The following CMC1 variants were observed in gnomAD, a reference collection of about 807,000 sequenced individuals.
CMC1 encodes C-X9-C motif containing 1.
A neutral mutation model predicts 14.1 loss-of-function variants in CMC1; 14 were observed. The observed-to-expected ratio is 0.99, with a 90% CI of 0.66 to 1.55. The LOEUF is 1.55. CMC1 is among the 40% of genes most tolerant of loss of function. CMC1 has a pLI of 0.00. For synonymous variants in CMC1, 50 were observed against 38.4 expected, an observed-to-expected ratio of 1.30 and a Z score of -1.12; for missense variants, 127 against 123.8, an observed-to-expected ratio of 1.03 and a Z score of -0.12.
chr3:28,314,226 A>G (rs1442345722), intron 2 of CMC1, among the ~76,000 whole-genome samples: 1 of 152,204 alleles, frequency 6.6e-6, no homozygotes. Context: ...ATAAATAGAA[A>G]AATTAACGTA....
intron 1 of CMC1, among the ~76,000 whole-genome samples, chr3:28,245,216 G>A (rs192097226): frequency 1.3e-5 from 2 of 152,168 alleles, no homozygotes; most frequent in African/African-American, 4.8e-5. Flanking sequence ...TTTTCCTCAA[G>A]AAACTGTGAA....
At chr3:28,307,333 G>A (rs1577086997) in intron 2 of CMC1, among the ~76,000 whole-genome samples, 1 of 152,296 alleles carries the variant, frequency 6.6e-6, no homozygotes, top group East Asian at 1.9e-4. Context: ...AGACCAGCCT[G>A]TGCAATATAG....
intron 2 of CMC1, among the ~76,000 whole-genome samples, chr3:28,296,087 T>C (rs1701726349): frequency 6.6e-6 from 1 of 152,212 alleles, no homozygotes; most frequent in East Asian, 1.9e-4. Context: ...CACATACATA[T>C]GAACAGATTG....
intron 2 of CMC1, among the ~76,000 whole-genome samples, chr3:28,296,341 T>C (rs1701739765): frequency 6.6e-6 from 1 of 152,120 alleles, no homozygotes; most frequent in Non-Finnish European, 1.5e-5. Flanking sequence ...TTTTAAAGTT[T>C]ATACATTTTT....
intron 2 of CMC1, among the ~76,000 whole-genome samples, chr3:28,264,431 A>G (rs1699899374): frequency 6.6e-6 from 1 of 152,200 alleles, no homozygotes. Flanking sequence ...GTTCTTTGGA[A>G]TCAACAATGT....
intron 2 of CMC1, among the ~76,000 whole-genome samples, chr3:28,293,772 G>A (rs1701604828): frequency 6.6e-6 from 1 of 151,784 alleles, no homozygotes; most frequent in East Asian, 1.9e-4. Flanking sequence ...AGTAGAGACC[G>A]AGTTTCACCA....
At chr3:28,262,655 C>A (rs1445529966) in intron 1 of CMC1, among the ~76,000 whole-genome samples, 1 of 152,076 alleles carries the variant, frequency 6.6e-6, no homozygotes, top group Non-Finnish European at 1.5e-5. Flanking sequence ...AGAGATTCCT[C>A]ATCTTTTTTG....
chr3:28,298,554 T>C (rs1701867962), intron 2 of CMC1, among the ~76,000 whole-genome samples: 1 of 151,234 alleles, frequency 6.6e-6, no homozygotes, highest in Admixed American at 6.6e-5. Context: ...TAATAAAGTG[T>C]ACATTTATCT....
intron 1 of CMC1, among the ~76,000 whole-genome samples, chr3:28,248,448 T>C (rs1698940587): frequency 6.6e-6 from 1 of 152,194 alleles, no homozygotes; most frequent in Non-Finnish European, 1.5e-5. Flanking sequence ...ATATGAGGTT[T>C]GAGGATGAGA....
intron 1 of CMC1, among the ~76,000 whole-genome samples, chr3:28,247,321 GA>G (rs994014702): frequency 1.6e-4 from 23 of 146,442 alleles, no homozygotes; most frequent in East Asian, 1.4e-3. Flanking sequence ...TTTAGGAAAA[GA>G]AAAAAAAAAC....
chr3:28,300,988 T>C (rs1702016344), intron 2 of CMC1, among the ~76,000 whole-genome samples: 1 of 144,636 alleles, frequency 6.9e-6, no homozygotes, highest in African/African-American at 2.6e-5. Context: ...CTGTTTTCAC[T>C]TTTAAGTCTT....
intron 1 of CMC1, among the ~76,000 whole-genome samples, chr3:28,251,818 T>C (rs1197265039): frequency 2.1e-5 from 3 of 144,758 alleles, no homozygotes; most frequent in Non-Finnish European, 4.7e-5. Flanking sequence ...TCTTCTAGAT[T>C]TATATGAGGA....
intron 1 of CMC1, among the ~76,000 whole-genome samples, chr3:28,251,916 AAC>A (rs1490807327): frequency 1.3e-5 from 2 of 152,222 alleles, no homozygotes; most frequent in African/African-American, 2.4e-5. Context: ...CCTGTCCCAT[AAC>A]ACTGCTGATT....
chr3:28,265,893 A>C (rs192842136), intron 2 of CMC1, among the ~76,000 whole-genome samples: 11 of 152,316 alleles, frequency 7.2e-5, no homozygotes, highest in Non-Finnish European at 1.5e-4. Flanking sequence ...GAGCACAGAC[A>C]CTTGGTGCTC....
Position 28,260,555 on chromosome 3 carries a change from GT to G in CMC1, c.20-2726del, listed in dbSNP as rs112698507. On this transcript the variant is annotated intron_variant, in intron 1 of 3. Transcript: ENST00000466830. ...CTCTCGAACCAGCTTTAATTTCATT[GT>G]TTTTTTTTTCTTTTATTTGTGTGGT... Among the ~76,000 whole-genome samples the G allele has an allele frequency of 3.4e-3, 501 of 145,376 alleles. 7 individuals carry two copies. Among genetic ancestry groups the G allele is most frequent in the African/African-American group, 0.011 (457 of 39,936 alleles).
In CMC1 at chr3:28,241,707, G is replaced by A. The variant is rs1480169450; in HGVS notation, c.-87G>A. ...CGGGAAGCTCCCGGGGGTCGCACGT[G>A]CGTCCGAGCCCAAGCCCCTCCCCTC... On this transcript the variant is annotated 5_prime_UTR_variant, in exon 1 of 4. Coordinates refer to ENST00000466830, the MANE Select transcript of CMC1 (RefSeq NM_182523.2). The A allele has an allele frequency of 1.5e-5, 19 of 1,237,964 alleles. No homozygotes were observed. Among genetic ancestry groups the A allele is most frequent in the Non-Finnish European group, 1.9e-5 (19 of 987,914 alleles). The allele number at this position is 1,237,964 out of a possible 1,614,324, so 76.7% of individuals were successfully genotyped here.
intron 1 of CMC1, among the ~76,000 whole-genome samples, chr3:28,244,262 G>T (rs956449427): frequency 6.6e-6 from 1 of 152,174 alleles, no homozygotes; most frequent in African/African-American, 2.4e-5. Context: ...TTGTAGAGGG[G>T]TCAGGTCATA....
rs145924432 is a variant in CMC1, at chr3:28,322,821, A to C, written c.*3192A>C. ...ATGTATGTATGCTATTCAGTAATAC[A>C]GTAGAAGAGATCTGAGATATTGAGT... On this transcript the variant is annotated 3_prime_UTR_variant, in exon 4 of 4. Coordinates refer to ENST00000466830, the MANE Select transcript of CMC1 (RefSeq NM_182523.2). 2.0e-4 allele frequency: 30 copies of C among 151,410 alleles called. No individual in the cohort carries two copies. In the East Asian group the frequency reaches 5.2e-3, roughly 26 times the overall value. 9.4% of individuals were successfully genotyped at this position (151,410 alleles called of 1,614,324 possible).
intron 1 of CMC1, among the ~76,000 whole-genome samples, chr3:28,261,624 C>T (rs779214504): frequency 2.6e-5 from 4 of 152,148 alleles, no homozygotes; most frequent in Admixed American, 6.5e-5. Flanking sequence ...GCCACCGGAA[C>T]TTTGAGTCTT....
Sources: gnomAD v4.1 joint callset for allele counts (sites outside exome capture counted in the v4.1 genomes callset) on GRCh38, gnomAD v4.1.1 for gene constraint, MANE v1.5 for transcripts, NCBI Gene and HGNC (gene_info 2026-07-23, HGNC 2026-07-21) for gene names.